Variants in ZNF267 observed in about 807,000 individuals in gnomAD.
The protein encoded by ZNF267 is zinc finger (C2H2).
Under a neutral mutation model 71.6 loss-of-function variants are expected in ZNF267, and 61 were observed. The observed-to-expected ratio is 0.85, with a 90% CI of 0.69 to 1.05. ZNF267 has a LOEUF of 1.05. ZNF267 is among the 50% of genes least tolerant of loss of function. ZNF267 has a pLI of 0.00. For missense variants in ZNF267, 852 were observed against 870.0 expected (o/e 0.98, Z 0.26); for synonymous variants, 288 against 293.2 (o/e 0.98, Z 0.18).
chr16:31,900,590 G>C (rs1334639970), intron 3 of ZNF267, among the ~76,000 whole-genome samples: 1 of 151,856 alleles, frequency 6.6e-6, no homozygotes, highest in Non-Finnish European at 1.5e-5. Context: ...GACTACAGGT[G>C]CCTGCCACCA....
intron 1 of ZNF267, among the ~76,000 whole-genome samples, chr16:31,878,475 C>T (rs1270571744): frequency 6.6e-6 from 1 of 152,208 alleles, no homozygotes; most frequent in East Asian, 1.9e-4. Context: ...AGCACCTTTG[C>T]TTCCGGTTTC....
chr16:31,895,020 G>T, intron 3 of ZNF267: 1 of 304,566 alleles, frequency 3.3e-6, no homozygotes, highest in South Asian at 3.4e-5. Flanking sequence ...GGCTGTGAAG[G>T]GGAGCCGGAC....
intron 3 of ZNF267, among the ~76,000 whole-genome samples, chr16:31,904,296 A>T (rs999921894): frequency 6.6e-6 from 1 of 152,328 alleles, no homozygotes; most frequent in East Asian, 1.9e-4. Context: ...GTAGATGTCT[A>T]TTAGGTCCGC....
chr16:31,883,951 A>C (rs1317734888), intron 1 of ZNF267, among the ~76,000 whole-genome samples: 1 of 152,236 alleles, frequency 6.6e-6, no homozygotes, highest in Non-Finnish European at 1.5e-5. Context: ...AAACAGGAGG[A>C]TCGCCTGAGC....
At chr16:31,889,551 A>G (rs1179375752) in intron 3 of ZNF267, among the ~76,000 whole-genome samples, 2 of 152,122 alleles carry the variant, frequency 1.3e-5, no homozygotes, top group African/African-American at 4.8e-5. Context: ...TCAACACTGT[A>G]TTAGTCTATT....
At chr16:31,895,758 A>T (rs570504520) in intron 3 of ZNF267, among the ~76,000 whole-genome samples, 57 of 152,232 alleles carry the variant, frequency 3.7e-4, no homozygotes, top group Non-Finnish European at 7.2e-4. Context: ...CCTGTTGGCC[A>T]TTTGTATTTC....
At chr16:31,883,931 C>G (rs1460415154) in intron 1 of ZNF267, among the ~76,000 whole-genome samples, 3 of 152,210 alleles carry the variant, frequency 2.0e-5, no homozygotes, top group African/African-American at 4.8e-5. Flanking sequence ...CTTAGCTACT[C>G]AGGAGGCTGA....
chr16:31,901,834 AT>A (rs1158944974), intron 3 of ZNF267, among the ~76,000 whole-genome samples: 1 of 152,124 alleles, frequency 6.6e-6, no homozygotes, highest in Non-Finnish European at 1.5e-5. Flanking sequence ...TTTTGTTGCC[AT>A]TGCTTTTGGT....
In ZNF267 at chr16:31,915,617, A is replaced by G. The variant is rs2084169463; in HGVS notation, c.1368A>G (p.Thr456=). The change falls in exon 4 of 4, where the codon ACA becomes ACG. Residue 456 remains threonine (T), a synonymous_variant. Transcript: ENST00000300870. The stretch of plus-strand genomic sequence containing the variant: ...GTTCATGCCTTACTCAACATCAGAC[A>G]ACTCATACAGGAGAAAAACTTTACA... ...NRSSCLTQHQ[T]THTGEKLYKC... 6.2e-7 allele frequency: 1 copy of G among 1,613,908 alleles called. No individual in the cohort carries two copies. The highest frequency in any genetic ancestry group is 1.3e-5 in the African/African-American group (1 of 75,048).
Position 31,915,710 on chromosome 16 carries a change from T to C in ZNF267, c.1461T>C (p.Thr487=). 1 of 1,613,598 alleles carries C rather than the reference T, an allele frequency of 6.2e-7. No homozygotes were observed. Among genetic ancestry groups the C allele is most frequent in the East Asian group, 2.2e-5 (1 of 44,862 alleles). The change falls in exon 4 of 4, where the codon ACT becomes ACC. Residue 487 remains threonine, a synonymous_variant. Transcript: ENST00000300870. ...TTATTATGCATCAGAGAGTTCATAC[T>C]GGAGAGAAGCCTTATAAATGTAAAG... ...SNLIMHQRVH[T]GEKPYKCKEC...
At chr16:31,897,552 T>A (rs1339914790) in intron 3 of ZNF267, among the ~76,000 whole-genome samples, 1 of 152,152 alleles carries the variant, frequency 6.6e-6, no homozygotes, top group East Asian at 1.9e-4. Flanking sequence ...TCTCCTTTTT[T>A]TCCCCCCAAG....
intron 3 of ZNF267, among the ~76,000 whole-genome samples, chr16:31,893,716 C>T (rs1365653760): frequency 6.6e-6 from 1 of 152,210 alleles, no homozygotes; most frequent in Non-Finnish European, 1.5e-5. Context: ...TGGCTGCATG[C>T]AGCTGGAGCC....
At chr16:31,893,427 G>A (rs1053138377) in intron 3 of ZNF267, among the ~76,000 whole-genome samples, 4 of 152,166 alleles carry the variant, frequency 2.6e-5, no homozygotes, top group African/African-American at 7.2e-5. Context: ...ATTAACATTC[G>A]GCTCTTCATT....
rs543044960 is a variant in ZNF267 at position 31,914,706 on chromosome 16, C to G, written c.457C>G (p.Leu153Val). The G allele has an allele frequency of 4.3e-5, 70 of 1,614,064 alleles. 1 individual carries two copies. The South Asian group carries it at 7.1e-4, about 16-fold the overall frequency. ...TGAAAGTTTGTTTCACCAGCAAATA[C>G]TTTCTTCTTGTGCCAAAAGCTATAA... ...SVESLFHQQI[L>V]SSCAKSYNFD... Residue 153 changes from leucine (L) to valine (V), a missense_variant, in exon 4 of 4, where the codon CTT becomes GTT. Physicochemically the swap from Leu to Val is conservative, Grantham distance 32. Transcript: ENST00000300870.
rs191924147 is a variant in ZNF267 at position 31,908,588 on chromosome 16, G to T, written c.227-5888G>T. 2.3e-4 allele frequency among the ~76,000 whole-genome samples: 35 copies of T among 151,954 alleles called. No homozygotes were observed. The East Asian group carries it at 5.2e-3, about 23-fold the overall frequency. ...GATTTTTGTGTATGGTGAGAGATAG[G>T]GTCTAGTTTCTGTTTTTAATGAATA... On this transcript the variant is annotated intron_variant, in intron 3 of 3. Transcript: ENST00000300870.
rs563527142 is a variant in ZNF267, at chr16:31,891,109, GT to G, written c.226+5859del. Among the ~76,000 whole-genome samples the G allele has an allele frequency of 2.6e-5, 4 of 151,794 alleles. No homozygotes were observed. In the South Asian group the frequency reaches 6.2e-4, roughly 24 times the overall value. ...TTTTTCCATTTGTGTATCTACTACA[GT>G]TTTTTCCTAGAGGTTATCAGGAGAC... On this transcript the variant is annotated intron_variant, in intron 3 of 3. Coordinates refer to ENST00000300870, the MANE Select transcript of ZNF267 (RefSeq NM_003414.6).
Position 31,885,163 on chromosome 16 carries a change from CTTG to C in ZNF267, c.138_140del (p.Val47del), listed in dbSNP as rs1166989378. The C allele has an allele frequency of 9.4e-6, 15 of 1,603,344 alleles. No homozygotes were observed. The highest frequency in any genetic ancestry group is 1.3e-5 in the African/African-American group (1 of 74,408). On this transcript the variant is annotated inframe_deletion, in exon 3 of 4. Coordinates refer to ENST00000300870, the MANE Select transcript of ZNF267 (RefSeq NM_003414.6). ...TGTGAATTTTTCCAATAAAACAGGT[CTTG>C]TTGTCTCTAAGCCGGACCTGATCAC... is the stretch of plus-strand genomic sequence containing the variant.
At chr16:31,901,176 AC>A (rs1281714920) in intron 3 of ZNF267, among the ~76,000 whole-genome samples, 11 of 152,052 alleles carry the variant, frequency 7.2e-5, no homozygotes, top group Admixed American at 2.0e-4. Flanking sequence ...TATATGTGCC[AC>A]ATTTTCTTAA....
At chr16:31,906,527 C>CT (rs2084091738) in intron 3 of ZNF267, among the ~76,000 whole-genome samples, 1 of 152,212 alleles carries the variant, frequency 6.6e-6, no homozygotes, top group South Asian at 2.1e-4. Flanking sequence ...GATCTCAAGA[C>CT]TGCTGTGCCA....
Sources: gnomAD v4.1 joint callset for allele counts (sites outside exome capture counted in the v4.1 genomes callset) on GRCh38, gnomAD v4.1.1 for gene constraint, MANE v1.5 for transcripts, NCBI Gene and HGNC (gene_info 2026-07-23, HGNC 2026-07-21) for gene names.